Variants in MACROD2 observed in about 807,000 individuals in gnomAD.
The protein encoded by MACROD2 is mono-ADP ribosylhydrolase 2.
Under a neutral mutation model 70.4 loss-of-function variants are expected in MACROD2, and 36 were observed. The ratio of observed to expected loss-of-function variants is 0.51; its 90% CI spans 0.39 to 0.68. MACROD2 has a LOEUF of 0.68. MACROD2 is among the 30% of genes least tolerant of loss of function. The pLI is 0.00. For missense variants in MACROD2, 496 were observed against 538.4 expected, an observed-to-expected ratio of 0.92 and a Z score of 0.78; for synonymous variants, 172 against 178.8, an observed-to-expected ratio of 0.96 and a Z score of 0.30.
intron 5 of MACROD2, among the ~76,000 whole-genome samples, chr20:14,861,437 C>G (rs942709961): frequency 2.6e-5 from 4 of 152,008 alleles, no homozygotes; most frequent in Admixed American, 6.6e-5. Context: ...AAGACACAGT[C>G]ACTGACTAAG....
At chr20:14,742,912 G>T (rs371967375) in intron 5 of MACROD2, among the ~76,000 whole-genome samples, 6 of 150,266 alleles carry the variant, frequency 4.0e-5, no homozygotes, top group Non-Finnish European at 6.0e-5. Flanking sequence ...GTCTACAGGC[G>T]CCCGCCACTA....
intron 12 of MACROD2, among the ~76,000 whole-genome samples, chr20:15,939,429 A>C (rs1012822922): frequency 1.3e-5 from 2 of 152,164 alleles, no homozygotes; most frequent in Non-Finnish European, 2.9e-5. Context: ...TGTGCTCTGT[A>C]AATGGCACAA....
intron 5 of MACROD2, among the ~76,000 whole-genome samples, chr20:14,978,257 T>C (rs1220257305): frequency 6.6e-6 from 1 of 152,148 alleles, no homozygotes; most frequent in Non-Finnish European, 1.5e-5. Flanking sequence ...GATTAAACCA[T>C]GTATATGTAT....
At chr20:14,867,624 A>G (rs138984774) in intron 5 of MACROD2, among the ~76,000 whole-genome samples, 62 of 152,092 alleles carry the variant, frequency 4.1e-4, no homozygotes, top group African/African-American at 1.4e-3. Flanking sequence ...TCTTTTGTAT[A>G]TTCATTTCTT....
chr20:15,921,534 A>G (rs2065406426), intron 10 of MACROD2, among the ~76,000 whole-genome samples: 1 of 152,064 alleles, frequency 6.6e-6, no homozygotes, highest in Non-Finnish European at 1.5e-5. Context: ...CTACTGATTA[A>G]TTTTGCTTCA....
At chr20:16,029,531 C>T (rs556652827) in intron 15 of MACROD2, among the ~76,000 whole-genome samples, 7 of 152,256 alleles carry the variant, frequency 4.6e-5, no homozygotes, top group South Asian at 2.1e-4. Context: ...AGTAATTAAA[C>T]GAAAGAAAGG....
chr20:15,716,953 T>C (rs559169940), intron 8 of MACROD2, among the ~76,000 whole-genome samples: 2 of 152,352 alleles, frequency 1.3e-5, no homozygotes, highest in South Asian at 4.1e-4. Context: ...TATTTTCTTG[T>C]GGACAGCTTC....
chr20:15,194,902 G>C (rs1390936210), intron 5 of MACROD2, among the ~76,000 whole-genome samples: 2 of 151,052 alleles, frequency 1.3e-5, no homozygotes, highest in South Asian at 2.1e-4. Context: ...AAATTTTTAA[G>C]AGTATAGGCA....
intron 5 of MACROD2, among the ~76,000 whole-genome samples, chr20:14,782,707 G>A (rs1346248784): frequency 6.6e-6 from 1 of 152,060 alleles, no homozygotes; most frequent in Non-Finnish European, 1.5e-5. Context: ...CCGCCTCTCT[G>A]CCCAACTTCT....
intron 4 of MACROD2, among the ~76,000 whole-genome samples, chr20:14,591,875 G>C (rs1437915564): frequency 6.6e-6 from 1 of 152,164 alleles, no homozygotes; most frequent in Non-Finnish European, 1.5e-5. Context: ...AATAATTTGA[G>C]ATCATGTAAT....
intron 8 of MACROD2, among the ~76,000 whole-genome samples, chr20:15,524,400 C>A (rs6034211): frequency 6.6e-6 from 1 of 151,908 alleles, no homozygotes; most frequent in African/African-American, 2.4e-5. Flanking sequence ...CCAGGGTTGC[C>A]TCATAGTTTA....
At chr20:14,044,149 G>A (rs188527874) in intron 2 of MACROD2, among the ~76,000 whole-genome samples, 1 of 152,116 alleles carries the variant, frequency 6.6e-6, no homozygotes, top group Admixed American at 6.5e-5. Flanking sequence ...TGTGTTCAGA[G>A]TTTTTTCCTT....
At chr20:14,120,857 T>G (rs1316175010) in intron 3 of MACROD2, among the ~76,000 whole-genome samples, 3 of 145,668 alleles carry the variant, frequency 2.1e-5, no homozygotes, top group East Asian at 2.1e-4. Context: ...AGTTGAACAA[T>G]GAGAACACAT....
chr20:14,009,043 C>G (rs939803167), intron 2 of MACROD2, among the ~76,000 whole-genome samples: 2 of 152,162 alleles, frequency 1.3e-5, no homozygotes, highest in Non-Finnish European at 2.9e-5. Flanking sequence ...CAGTACCATT[C>G]AGGATCTAGG....
chr20:14,592,505 C>A (rs759793219), intron 4 of MACROD2, among the ~76,000 whole-genome samples: 3 of 152,090 alleles, frequency 2.0e-5, no homozygotes, highest in Non-Finnish European at 4.4e-5. Context: ...CTCACTGCAG[C>A]CTTGACCTCC....
intron 8 of MACROD2, among the ~76,000 whole-genome samples, chr20:15,722,675 CTTT>C (rs148024443): frequency 2.6e-5 from 4 of 151,634 alleles, no homozygotes; most frequent in African/African-American, 9.7e-5. Flanking sequence ...AGTGGCTTAT[CTTT>C]TTTTTATTTT....
intron 5 of MACROD2, among the ~76,000 whole-genome samples, chr20:14,793,696 A>G (rs894062245): frequency 6.6e-6 from 1 of 151,816 alleles, no homozygotes; most frequent in Non-Finnish European, 1.5e-5. Context: ...CGAAGAAAAG[A>G]CCCCCAAAAC....
intron 3 of MACROD2, among the ~76,000 whole-genome samples, chr20:14,088,229 C>T (rs2054104079): frequency 6.7e-6 from 1 of 149,690 alleles, no homozygotes; most frequent in Admixed American, 6.7e-5. Context: ...ACTCGGGAGG[C>T]TGAGGCAGGA....
chr20:15,065,471 C>T (rs562726318), intron 5 of MACROD2, among the ~76,000 whole-genome samples: 7 of 152,024 alleles, frequency 4.6e-5, no homozygotes, highest in South Asian at 4.2e-4. Flanking sequence ...CTGACTAACA[C>T]AGTGAAACCC....
Sources: gnomAD v4.1 joint callset for allele counts (sites outside exome capture counted in the v4.1 genomes callset) on GRCh38, gnomAD v4.1.1 for gene constraint, MANE v1.5 for transcripts, NCBI Gene and HGNC (gene_info 2026-07-23, HGNC 2026-07-21) for gene names.